Variants in ANO2 observed in about 807,000 individuals in gnomAD.
The protein encoded by ANO2 is anoctamin 2.
In ANO2, 101 loss-of-function variants were observed where a neutral mutation model predicts 124.2. The ratio of observed to expected loss-of-function variants is 0.81; its 90% confidence interval spans 0.69 to 0.96. The LOEUF is 0.96. Ranked by LOEUF, ANO2 falls within the 40% of genes least tolerant of loss-of-function variation. The pLI is 0.00. For synonymous variants in ANO2, 486 were observed against 482.5 expected (o/e 1.01, Z -0.09); for missense variants, 1,293 against 1,274.5 (o/e 1.01, Z -0.22).
intron 23 of ANO2, among the ~76,000 whole-genome samples, chr12:5,568,040 A>G (rs1941877048): frequency 6.6e-6 from 1 of 152,210 alleles, no homozygotes; most frequent in South Asian, 2.1e-4. Context: ...ACAGACTGCA[A>G]TAAAAATTAC....
At chr12:5,914,020 T>A (rs1039197802) in intron 3 of ANO2, among the ~76,000 whole-genome samples, 2 of 151,920 alleles carry the variant, frequency 1.3e-5, no homozygotes, top group South Asian at 2.1e-4. Flanking sequence ...AGCAACATGG[T>A]GAAACCCTGT....
intron 23 of ANO2, among the ~76,000 whole-genome samples, chr12:5,572,345 C>G (rs572405241): frequency 6.6e-6 from 1 of 152,332 alleles, no homozygotes; most frequent in South Asian, 2.1e-4. Context: ...ACCCCACTTA[C>G]CAGCCAGGCT....
At chr12:5,870,761 G>C (rs765862188) in intron 3 of ANO2, among the ~76,000 whole-genome samples, 51 of 152,200 alleles carry the variant, frequency 3.4e-4, no homozygotes, top group Non-Finnish European at 5.6e-4. Context: ...GTACCTCCCT[G>C]CTGAAAGAGA....
chr12:5,724,711 C>T (rs1044946899), intron 14 of ANO2, among the ~76,000 whole-genome samples: 6 of 152,178 alleles, frequency 3.9e-5, no homozygotes, highest in South Asian at 2.1e-4. Flanking sequence ...CCTCTATCCA[C>T]GGCCTCCTCT....
intron 14 of ANO2, among the ~76,000 whole-genome samples, chr12:5,710,039 C>G (rs73253211): frequency 0.01 from 1,535 of 152,244 alleles, 28 homozygotes; most frequent in African/African-American, 0.035. Flanking sequence ...AAATGCTAGC[C>G]AGGAGGCTCG....
At chr12:5,569,903 C>T (rs1055689636) in intron 23 of ANO2, among the ~76,000 whole-genome samples, 5 of 152,138 alleles carry the variant, frequency 3.3e-5, no homozygotes, top group East Asian at 1.9e-4. Flanking sequence ...TTCTTATATA[C>T]ATACACAATA....
At chr12:5,796,804 C>T (rs921758921) in intron 10 of ANO2, among the ~76,000 whole-genome samples, 2 of 152,188 alleles carry the variant, frequency 1.3e-5, no homozygotes, top group Non-Finnish European at 2.9e-5. Flanking sequence ...CAAAATGAGG[C>T]CTGAAGGCCT....
At chr12:5,738,931 C>G (rs900087285) in intron 13 of ANO2, among the ~76,000 whole-genome samples, 4 of 152,176 alleles carry the variant, frequency 2.6e-5, no homozygotes, top group African/African-American at 9.7e-5. Context: ...ACCTGACACC[C>G]TGCCTCTCCT....
chr12:5,649,809 TG>T (rs1946827831), intron 14 of ANO2, among the ~76,000 whole-genome samples: 1 of 151,944 alleles, frequency 6.6e-6, no homozygotes, highest in African/African-American at 2.4e-5. Flanking sequence ...TGTGTGTGTG[TG>T]TGTGTGTATT....
At chr12:5,923,937 A>G (rs188237062) in intron 1 of ANO2, among the ~76,000 whole-genome samples, 15 of 152,328 alleles carry the variant, frequency 9.8e-5, no homozygotes, top group Non-Finnish European at 2.1e-4. Context: ...CTCTAGCTGT[A>G]AAATGAGAAT....
rs191020898 is a variant in ANO2, at chr12:5,805,762, G to A, written c.990+290C>T. ...CAGTTAAGGAATTTGGACAGCCAAT[G>A]TTTCTCAACTGGTGCTCTCTTGCCA... is the stretch of plus-strand genomic sequence containing the variant. On this transcript the variant is annotated intron_variant, in intron 9 of 24. Coordinates refer to ENST00000682330, the MANE Select transcript of ANO2 (RefSeq NM_001364791.2). 1.6e-3 allele frequency among the ~76,000 whole-genome samples: 245 copies of A among 152,270 alleles called. 1 individual carries two copies. Among genetic ancestry groups the A allele is most frequent in the Middle Eastern group, 6.8e-3 (2 of 294 alleles).
At chr12:5,883,864 T>G (rs894070280) in intron 3 of ANO2, among the ~76,000 whole-genome samples, 1 of 152,220 alleles carries the variant, frequency 6.6e-6, no homozygotes, top group African/African-American at 2.4e-5. Context: ...TTGTTATAAT[T>G]GCTAACATTG....
Position 5,830,271 on chromosome 12 carries a change from T to C in ANO2, c.840+164A>G, listed in dbSNP as rs180695820. Among the ~76,000 whole-genome samples the C allele has an allele frequency of 3.7e-3, 561 of 152,244 alleles. 5 individuals carry two copies. Among genetic ancestry groups the C allele is most frequent in the African/African-American group, 0.013 (547 of 41,534 alleles). On this transcript the variant is annotated intron_variant, in intron 6 of 24. Coordinates refer to ENST00000682330, the MANE Select transcript of ANO2 (RefSeq NM_001364791.2). ...CGAGTGAGGGCAGTTATTTGCTGTT[T>C]CTTTTGGGGAATGGGGAAGCTCTTG...
At chr12:5,827,943 G>A (rs1954029904) in intron 6 of ANO2, 123 bp from the exon 7 acceptor site, 6 of 1,024,668 alleles carry the variant, frequency 5.9e-6, no homozygotes, top group Non-Finnish European at 7.1e-6. Context: ...CCAGGACGAA[G>A]CCAAGCATGT....
intron 14 of ANO2, among the ~76,000 whole-genome samples, chr12:5,704,471 T>C (rs1170759731): frequency 6.6e-6 from 1 of 152,168 alleles, no homozygotes; most frequent in Non-Finnish European, 1.5e-5. Context: ...ATTGGAAGCT[T>C]CTGGTATTCT....
chr12:5,615,458 C>T (rs1384865681), intron 16 of ANO2, among the ~76,000 whole-genome samples, 161 bp from the exon 17 acceptor site: 1 of 152,058 alleles, frequency 6.6e-6, no homozygotes, highest in Non-Finnish European at 1.5e-5. Flanking sequence ...TCTGGGAGGC[C>T]CCAGGTGGTC....
In ANO2 at chr12:5,710,940, C is replaced by T. The variant is rs184510890; in HGVS notation, c.1545+21580G>A. Among the ~76,000 whole-genome samples, 256 of 151,992 alleles carry T rather than the reference C, an allele frequency of 1.7e-3. 2 individuals are homozygous for T. Among genetic ancestry groups the T allele is most frequent in the Non-Finnish European group, 2.9e-3 (200 of 67,984 alleles). The stretch of plus-strand genomic sequence containing the variant: ...ACTTTGGGAGGCCGAGGCGGGATCA[C>T]GAGGTCAGGAGATCGAGACCATCCT... On this transcript the variant is annotated intron_variant, in intron 14 of 24. Transcript: ENST00000682330.
chr12:5,722,301 T>C (rs1020123883), intron 14 of ANO2, among the ~76,000 whole-genome samples: 3 of 152,106 alleles, frequency 2.0e-5, no homozygotes, highest in Non-Finnish European at 4.4e-5. Context: ...GGTCAGGAGA[T>C]TGAGACCATC....
Position 5,563,466 on chromosome 12 carries a change from A to G in ANO2, c.2830T>C (p.Phe944Leu). 6.2e-7 allele frequency: 1 copy of G among 1,613,964 alleles called. No individual in the cohort carries two copies. Among genetic ancestry groups the G allele is most frequent in the Non-Finnish European group, 8.5e-7 (1 of 1,179,874 alleles). The change falls in exon 25 of 25, where the codon TTC becomes CTC. Residue 944 changes from phenylalanine (F) to leucine (L), a missense_variant. Transcript: ENST00000682330. ...TTCTCATGCTCCTCTTTCAGGAAGA[A>G]ATCCACTAATAAGCTCTTCTCTTTC... ...IKKEKSLLVD[F>L]FLKEEHEKLK...
Sources: allele counts gnomAD v4.1 joint callset (sites outside exome capture counted in the v4.1 genomes callset), GRCh38; gene constraint gnomAD v4.1.1; transcripts MANE v1.5; gene names NCBI Gene and HGNC (gene_info 2026-07-23, HGNC 2026-07-21).